The following MBP variants were observed in gnomAD, a reference collection of about 807,000 sequenced individuals.
MBP encodes Golli-MBP.
In MBP, 16 loss-of-function variants were observed where a neutral mutation model predicts 35.8. The ratio of observed to expected loss-of-function variants is 0.45; its 90% CI spans 0.30 to 0.68. The LOEUF is 0.68. Ranked by LOEUF, MBP falls within the 30% of genes least tolerant of loss-of-function variation. The pLI is 0.08. For missense variants in MBP, 380 were observed against 404.7 expected, an observed-to-expected ratio of 0.94 and a Z score of 0.52; for synonymous variants, 143 against 159.6, an observed-to-expected ratio of 0.90 and a Z score of 0.78.
intron 2 of MBP, among the ~76,000 whole-genome samples, chr18:77,100,899 G>A (rs1975981617): frequency 6.6e-6 from 1 of 152,082 alleles, no homozygotes; most frequent in African/African-American, 2.4e-5. Context: ...AGGAGGCTTA[G>A]CTATCACCAG....
chr18:77,036,592 G>C (rs1224578065), intron 3 of MBP, among the ~76,000 whole-genome samples: 1 of 122,888 alleles, frequency 8.1e-6, no homozygotes, highest in Non-Finnish European at 1.6e-5. Flanking sequence ...ACTGAGCTGA[G>C]CAAGTGCTGG....
At chr18:77,003,384 G>A (rs1469403171) in intron 4 of MBP, 1 of 152,212 alleles carries the variant, frequency 6.6e-6, no homozygotes, top group African/African-American at 2.4e-5. Flanking sequence ...GGTTTCAGCA[G>A]TGGCCCTGAG....
chr18:77,092,481 G>A (rs1975576467), intron 2 of MBP, among the ~76,000 whole-genome samples: 1 of 152,194 alleles, frequency 6.6e-6, no homozygotes, highest in African/African-American at 2.4e-5. Context: ...ACGCAAACCG[G>A]CCCCAGACTC....
intron 4 of MBP, 41 bp downstream of exon 4, chr18:77,016,791 T>G: frequency 1.9e-6 from 3 of 1,604,094 alleles, no homozygotes; most frequent in Non-Finnish European, 2.6e-6. Flanking sequence ...TCCTTTGCTT[T>G]TTCCATTTAA....
chr18:77,088,412 C>G (rs987847243), intron 2 of MBP, among the ~76,000 whole-genome samples: 2 of 152,182 alleles, frequency 1.3e-5, no homozygotes, highest in Non-Finnish European at 2.9e-5. Flanking sequence ...ACGTTGGGTG[C>G]TAGGTACCAA....
intron 4 of MBP, chr18:77,013,729 C>T (rs1971474120): frequency 1.0e-6 from 1 of 985,430 alleles, no homozygotes; most frequent in Middle Eastern, 5.2e-4. Flanking sequence ...TCGAAAACCT[C>T]CCTAAAAGTA....
intron 1 of MBP, chr18:77,109,784 C>T (rs905090861): frequency 1.3e-5 from 2 of 152,194 alleles, no homozygotes; most frequent in Admixed American, 6.5e-5. Context: ...ATATGCTCTC[C>T]GCACTTCATT....
intron 3 of MBP, among the ~76,000 whole-genome samples, chr18:77,028,558 T>A (rs1972342638): frequency 5.1e-5 from 4 of 78,628 alleles, no homozygotes; most frequent in South Asian, 4.8e-4. Context: ...CACTTCCCAG[T>A]AGGGGCGGCC....
chr18:76,997,760 G>A (rs1257659031), intron 4 of MBP, among the ~76,000 whole-genome samples: 3 of 150,626 alleles, frequency 2.0e-5, no homozygotes, highest in Non-Finnish European at 2.9e-5. Context: ...TCGGCTCACT[G>A]CAAGCTCCGC....
chr18:77,056,719 C>T (rs1429411688), intron 3 of MBP, among the ~76,000 whole-genome samples: 4 of 152,158 alleles, frequency 2.6e-5, no homozygotes, highest in Non-Finnish European at 5.9e-5. Context: ...ATACGTCTTC[C>T]CTGCCTGTCT....
chr18:77,125,964 A>G (rs1413912933), intron 1 of MBP, among the ~76,000 whole-genome samples: 1 of 152,150 alleles, frequency 6.6e-6, no homozygotes, highest in Non-Finnish European at 1.5e-5. Flanking sequence ...CCAGGCCCAC[A>G]TGGTTTCACC....
intron 2 of MBP, among the ~76,000 whole-genome samples, chr18:77,076,130 C>T (rs1202949421): frequency 2.6e-5 from 4 of 152,242 alleles, no homozygotes; most frequent in Middle Eastern, 3.2e-3. Context: ...CTGCCTGCCT[C>T]TCAGTGTGAT....
chr18:77,095,851 A>G (rs1485672920), intron 2 of MBP, among the ~76,000 whole-genome samples: 1 of 152,252 alleles, frequency 6.6e-6, no homozygotes, highest in Admixed American at 6.5e-5. Flanking sequence ...CCTCAACGTC[A>G]GCACCCGCCA....
intron 3 of MBP, among the ~76,000 whole-genome samples, chr18:77,055,790 T>TTC (rs1421512280): frequency 1.3e-5 from 2 of 152,204 alleles, no homozygotes; most frequent in Non-Finnish European, 2.9e-5. Context: ...GAAAAGTTCA[T>TTC]TCACACTGGA....
At chr18:77,015,068 G>C in intron 4 of MBP, 1 of 982,212 alleles carries the variant, frequency 1.0e-6, no homozygotes, top group Non-Finnish European at 1.2e-6. Flanking sequence ...AGAGATTTAA[G>C]ACAATAAAGG....
Position 77,101,720 on chromosome 18 carries a change from C to T in MBP, c.51+3491G>A, listed in dbSNP as rs898108590. Reference sequence around the variant, plus strand: ...CTTTAGTTAGTTTCTCTTCCTCTTACATCCTGCCGTGGCTTATTCGGGATG... The same window carrying T: ...CTTTAGTTAGTTTCTCTTCCTCTTATATCCTGCCGTGGCTTATTCGGGATG... On this transcript the variant is annotated intron_variant, in intron 2 of 8. Coordinates refer to ENST00000355994, the MANE Select transcript of MBP (RefSeq NM_001025101.2). The surrounding 1 kb of genome is among the most constrained non-coding windows in gnomAD (Gnocchi z 4.3). Among the ~76,000 whole-genome samples the T allele has an allele frequency of 6.6e-6, 1 of 152,176 alleles. No homozygotes were observed. The highest frequency in any genetic ancestry group is 6.5e-5 in the Admixed American group (1 of 15,286).
At chr18:77,034,044 A>T (rs1398102027) in intron 3 of MBP, among the ~76,000 whole-genome samples, 1 of 112,794 alleles carries the variant, frequency 8.9e-6, no homozygotes. Flanking sequence ...ATTGTTACCT[A>T]ATGGGGCAAA....
At chr18:77,045,144 T>C (rs1390821610) in intron 3 of MBP, among the ~76,000 whole-genome samples, 1 of 152,190 alleles carries the variant, frequency 6.6e-6, no homozygotes, top group Non-Finnish European at 1.5e-5. Context: ...AGGGACATTA[T>C]GTTGGTTGGA....
At chr18:77,065,660 T>C (rs1974163718) in intron 3 of MBP, 1 of 151,986 alleles carries the variant, frequency 6.6e-6, no homozygotes, top group Non-Finnish European at 1.5e-5. Flanking sequence ...CATTAGCTAT[T>C]TTTTACAAAC....
Sources: gnomAD v4.1 joint callset for allele counts (sites outside exome capture counted in the v4.1 genomes callset) on GRCh38, gnomAD v4.1.1 for gene constraint, Gnocchi (gnomAD v3.1) non-coding constraint, MANE v1.5 for transcripts, NCBI Gene and HGNC (gene_info 2026-07-23, HGNC 2026-07-21) for gene names.